Variants in LUZP2 observed in about 807,000 individuals in gnomAD.
The protein encoded by LUZP2 is leucine zipper protein 2.
A neutral mutation model predicts 51.6 loss-of-function variants in LUZP2; 52 were observed. The ratio of observed to expected loss-of-function variants is 1.01; its 90% CI spans 0.81 to 1.27. LUZP2 has a LOEUF of 1.27. LUZP2 is among the 50% of genes most tolerant of loss of function. The pLI is 0.00. For missense variants in LUZP2, 436 were observed against 395.4 expected, an observed-to-expected ratio of 1.10 and a Z score of -0.87; for synonymous variants, 154 against 137.3, an observed-to-expected ratio of 1.12 and a Z score of -0.85.
intron 1 of LUZP2, chr11:24,646,495 C>T: frequency 1.6e-6 from 1 of 635,984 alleles, no homozygotes; most frequent in Non-Finnish European, 2.0e-6. Context: ...TAATGCTTTA[C>T]CTTATTGGAA....
At chr11:24,691,112 A>C (rs965663811) in intron 1 of LUZP2, among the ~76,000 whole-genome samples, 1 of 152,014 alleles carries the variant, frequency 6.6e-6, no homozygotes, top group Non-Finnish European at 1.5e-5. Context: ...ACAGCAAAAA[A>C]TCTGTAACAA....
rs554516226 is a variant in LUZP2, at chr11:25,018,915, C to T, written c.766-31123C>T. 3.3e-5 allele frequency among the ~76,000 whole-genome samples: 5 copies of T among 152,198 alleles called. No individual in the cohort carries two copies. The South Asian group carries it at 1.0e-3, about 32-fold the overall frequency. On this transcript the variant is annotated intron_variant, in intron 9 of 11. Transcript: ENST00000336930. ...AAGCCAATAAGTCCAGCCTTATCTT[C>T]CCTTTAAATGACTTTATTTTTTAGA... is the stretch of plus-strand genomic sequence containing the variant.
intron 1 of LUZP2, among the ~76,000 whole-genome samples, chr11:24,556,936 C>A (rs763426496): frequency 2.0e-5 from 3 of 152,088 alleles, no homozygotes; most frequent in Non-Finnish European, 4.4e-5. Flanking sequence ...CTGGGCTTTT[C>A]GATTGGTTAA....
intron 5 of LUZP2, among the ~76,000 whole-genome samples, chr11:24,785,441 G>A (rs1425646424): frequency 3.3e-5 from 5 of 151,974 alleles, no homozygotes; most frequent in Non-Finnish European, 7.4e-5. Context: ...ATAAAGCATG[G>A]ACCTTGCTTG....
At chr11:24,591,598 T>C (rs1853263374) in intron 1 of LUZP2, among the ~76,000 whole-genome samples, 1 of 152,194 alleles carries the variant, frequency 6.6e-6, no homozygotes. Flanking sequence ...TTAATATGCT[T>C]CTTGAAGCAG....
chr11:24,661,917 G>A (rs925242485), intron 1 of LUZP2, among the ~76,000 whole-genome samples: 2 of 152,006 alleles, frequency 1.3e-5, no homozygotes, highest in African/African-American at 4.8e-5. Context: ...GGAGAGGGGA[G>A]GCAGCCTATT....
chr11:24,633,266 C>T (rs1250822132), intron 1 of LUZP2, among the ~76,000 whole-genome samples: 1 of 151,952 alleles, frequency 6.6e-6, no homozygotes, highest in African/African-American at 2.4e-5. Context: ...AGATCTGCCA[C>T]AATGCTTTCA....
chr11:24,592,288 C>G (rs1159225503), intron 1 of LUZP2, among the ~76,000 whole-genome samples: 1 of 152,086 alleles, frequency 6.6e-6, no homozygotes, highest in Non-Finnish European at 1.5e-5. Flanking sequence ...TTTCATGAAT[C>G]TTGGTAATTA....
chr11:24,723,151 G>C (rs189532035), intron 1 of LUZP2, among the ~76,000 whole-genome samples: 1 of 151,942 alleles, frequency 6.6e-6, no homozygotes, highest in Admixed American at 6.5e-5. Flanking sequence ...CACCAACCAG[G>C]GAAATTCAAA....
chr11:24,522,425 T>C (rs895018136), intron 1 of LUZP2, among the ~76,000 whole-genome samples: 1 of 152,128 alleles, frequency 6.6e-6, no homozygotes, highest in Non-Finnish European at 1.5e-5. Flanking sequence ...TGCAAAGATA[T>C]GAATATCACT....
intron 7 of LUZP2, among the ~76,000 whole-genome samples, chr11:24,925,142 G>A (rs1368506527): frequency 1.3e-5 from 2 of 152,014 alleles, no homozygotes; most frequent in East Asian, 3.8e-4. Context: ...TTATTTCAGG[G>A]CCTACTATTT....
intron 7 of LUZP2, among the ~76,000 whole-genome samples, chr11:24,964,690 A>C (rs2133886433): frequency 6.6e-6 from 1 of 152,182 alleles, no homozygotes; most frequent in African/African-American, 2.4e-5. Context: ...AAGTAGACAA[A>C]GGCAAAATGG....
rs1850241870 is a variant in LUZP2 at position 24,818,190 on chromosome 11, C to T, written c.396+54882C>T. 2.0e-5 allele frequency among the ~76,000 whole-genome samples: 3 copies of T among 151,992 alleles called. No homozygotes were observed. In the South Asian group the frequency reaches 6.2e-4, roughly 31 times the overall value. ...AAAAAATATCTTTGCAGATGGATGA[C>T]AAGATGGATGATCCGTCTTTTAGGT... On this transcript the variant is annotated intron_variant, in intron 5 of 11. Transcript: ENST00000336930.
intron 10 of LUZP2, among the ~76,000 whole-genome samples, chr11:25,075,699 C>T (rs941828926): frequency 3.2e-4 from 49 of 151,974 alleles, no homozygotes; most frequent in African/African-American, 1.1e-3. Context: ...AGCTGGTTTT[C>T]AGGGGCCTGC....
At chr11:24,541,677 G>A (rs547234851) in intron 1 of LUZP2, among the ~76,000 whole-genome samples, 3 of 152,144 alleles carry the variant, frequency 2.0e-5, no homozygotes, top group South Asian at 4.1e-4. Flanking sequence ...GATGCAGGTT[G>A]GGGGAAGAAT....
rs143119741 is a variant in LUZP2 at position 24,796,965 on chromosome 11, G to A, written c.396+33657G>A. 8.5e-5 allele frequency among the ~76,000 whole-genome samples: 13 copies of A among 152,210 alleles called. No homozygotes were observed. The East Asian group carries it at 2.5e-3, about 29-fold the overall frequency. On this transcript the variant is annotated intron_variant, in intron 5 of 11. Coordinates refer to ENST00000336930, the MANE Select transcript of LUZP2 (RefSeq NM_001009909.4). ...GGTTTGGAGACAACAAAGCATGGTG[G>A]ACAGGGGTTCAGGCTTTCCAGTCAG...
chr11:24,746,520 C>A (rs1056124332), intron 4 of LUZP2, among the ~76,000 whole-genome samples: 2 of 152,136 alleles, frequency 1.3e-5, no homozygotes, highest in African/African-American at 4.8e-5. Flanking sequence ...AACCTGATGA[C>A]AATGTGTGTA....
chr11:24,637,086 C>A (rs1358023844), intron 1 of LUZP2, among the ~76,000 whole-genome samples: 1 of 151,504 alleles, frequency 6.6e-6, no homozygotes, highest in Non-Finnish European at 1.5e-5. Flanking sequence ...GTATAAAATT[C>A]AAAATCTTAA....
At chr11:24,700,787 T>C (rs1258861838) in intron 1 of LUZP2, among the ~76,000 whole-genome samples, 1 of 152,284 alleles carries the variant, frequency 6.6e-6, no homozygotes, top group African/African-American at 2.4e-5. Context: ...TCTGACATTA[T>C]AATCAGTGGG....
Sources: allele counts gnomAD v4.1 joint callset (sites outside exome capture counted in the v4.1 genomes callset), GRCh38; gene constraint gnomAD v4.1.1; transcripts MANE v1.5; gene names NCBI Gene and HGNC (gene_info 2026-07-23, HGNC 2026-07-21).